Variants in INPP4B observed in about 807,000 individuals in gnomAD.
INPP4B encodes inositol polyphosphate-4-phosphatase type II B.
Under a neutral mutation model 122.5 loss-of-function variants are expected in INPP4B, and 55 were observed. The observed-to-expected ratio is 0.45, with a 90% CI of 0.36 to 0.56. The LOEUF (loss-of-function observed/expected upper bound fraction) is 0.56. Ranked by LOEUF, INPP4B falls within the 20% of genes least tolerant of loss-of-function variation. INPP4B has a pLI of 0.00. For synonymous variants in INPP4B, 403 were observed against 388.7 expected, an observed-to-expected ratio of 1.04 and a Z score of -0.43; for missense variants, 1,000 against 1,097.7, an observed-to-expected ratio of 0.91 and a Z score of 1.26.
intron 2 of INPP4B, among the ~76,000 whole-genome samples, chr4:142,599,660 A>G (rs1739455148): frequency 1.3e-5 from 2 of 152,142 alleles, no homozygotes; most frequent in South Asian, 4.1e-4. Flanking sequence ...GGAATATAAG[A>G]ATTTCTTAGC....
chr4:142,588,509 A>G (rs1736718967), intron 2 of INPP4B, among the ~76,000 whole-genome samples: 1 of 151,446 alleles, frequency 6.6e-6, no homozygotes, highest in African/African-American at 2.4e-5. Context: ...TCTTTGCTAT[A>G]CATTAGCAAT....
At chr4:142,550,039 A>T (rs1161008128) in intron 2 of INPP4B, among the ~76,000 whole-genome samples, 1 of 152,142 alleles carries the variant, frequency 6.6e-6, no homozygotes, top group Middle Eastern at 3.2e-3. Flanking sequence ...ACTGTCAGGA[A>T]CAACTGTCCT....
At chr4:142,097,062 T>C (rs1412428015) in intron 23 of INPP4B, among the ~76,000 whole-genome samples, 1 of 151,876 alleles carries the variant, frequency 6.6e-6, no homozygotes, top group Non-Finnish European at 1.5e-5. Context: ...TATGTTCCCA[T>C]AATGAAAAAA....
intron 2 of INPP4B, among the ~76,000 whole-genome samples, chr4:142,598,614 T>C (rs1359196502): frequency 2.0e-5 from 3 of 152,040 alleles, no homozygotes; most frequent in Non-Finnish European, 4.4e-5. Context: ...AATGACAGTG[T>C]AAATGCCCAA....
chr4:142,625,292 T>TA (rs1328442530), intron 2 of INPP4B, among the ~76,000 whole-genome samples: 17 of 151,962 alleles, frequency 1.1e-4, no homozygotes, highest in East Asian at 1.9e-4. Context: ...AGTCTCAGGA[T>TA]AAAAAATCAA....
At chr4:142,043,009 C>A (rs1461051902) in intron 25 of INPP4B, among the ~76,000 whole-genome samples, 1 of 152,148 alleles carries the variant, frequency 6.6e-6, no homozygotes, top group South Asian at 2.1e-4. Context: ...TTCTCAAATA[C>A]TAACCTCTAC....
At chr4:142,043,644 G>A (rs1306753679) in intron 25 of INPP4B, among the ~76,000 whole-genome samples, 1 of 151,998 alleles carries the variant, frequency 6.6e-6, no homozygotes, top group Non-Finnish European at 1.5e-5. Context: ...AAAAATGAAA[G>A]GAAAATTAAA....
intron 2 of INPP4B, among the ~76,000 whole-genome samples, chr4:142,696,636 C>A (rs1345520612): frequency 1.3e-5 from 2 of 152,114 alleles, no homozygotes; most frequent in Non-Finnish European, 2.9e-5. Flanking sequence ...CTCAACCCTG[C>A]GTCCCTCTGC....
At chr4:142,700,291 T>G (rs982749080) in intron 2 of INPP4B, among the ~76,000 whole-genome samples, 1 of 152,202 alleles carries the variant, frequency 6.6e-6, no homozygotes, top group Non-Finnish European at 1.5e-5. Flanking sequence ...TTTTTATTAT[T>G]TACAATGAAG....
At chr4:142,766,071 T>C (rs1371306481) in intron 1 of INPP4B, 1 of 152,094 alleles carries the variant, frequency 6.6e-6, no homozygotes, top group Admixed American at 6.6e-5. Flanking sequence ...AACATTTGCA[T>C]AAACATCTTA....
intron 2 of INPP4B, among the ~76,000 whole-genome samples, chr4:142,706,144 G>A (rs1281242940): frequency 6.6e-6 from 1 of 152,182 alleles, no homozygotes; most frequent in Non-Finnish European, 1.5e-5. Context: ...CTTTGCAAAT[G>A]CAATTATCCA....
chr4:142,519,147 C>T (rs762528887), intron 2 of INPP4B, among the ~76,000 whole-genome samples: 2 of 152,102 alleles, frequency 1.3e-5, no homozygotes, highest in Admixed American at 6.6e-5. Flanking sequence ...TATAGGAGCA[C>T]AGGAAAATAT....
chr4:142,230,846 T>C (rs1165957710), intron 12 of INPP4B, among the ~76,000 whole-genome samples: 4 of 152,064 alleles, frequency 2.6e-5, no homozygotes, highest in African/African-American at 9.7e-5. Flanking sequence ...AATCAGAAAA[T>C]TACTAAGCCC....
chr4:142,731,353 C>T (rs1766059555), intron 1 of INPP4B, among the ~76,000 whole-genome samples: 1 of 152,106 alleles, frequency 6.6e-6, no homozygotes, highest in African/African-American at 2.4e-5. Flanking sequence ...CTGACCTCAC[C>T]TTTCTGCCAG....
chr4:142,578,744 G>T (rs1026143034), intron 2 of INPP4B, among the ~76,000 whole-genome samples: 3 of 151,870 alleles, frequency 2.0e-5, no homozygotes, highest in Non-Finnish European at 4.4e-5. Context: ...TGAATGGGGG[G>T]ACATATTTCA....
intron 2 of INPP4B, among the ~76,000 whole-genome samples, chr4:142,484,594 T>C (rs1270414573): frequency 6.6e-6 from 1 of 152,088 alleles, no homozygotes; most frequent in Non-Finnish European, 1.5e-5. Context: ...CACTTTTACT[T>C]ATTATTATTT....
chr4:142,512,741 A>G (rs182608943), intron 2 of INPP4B, among the ~76,000 whole-genome samples: 3 of 152,320 alleles, frequency 2.0e-5, no homozygotes, highest in East Asian at 1.9e-4. Flanking sequence ...GTGCAACTCA[A>G]AAAGGTATCT....
At chr4:142,537,038 A>G (rs1034067091) in intron 2 of INPP4B, among the ~76,000 whole-genome samples, 1 of 151,410 alleles carries the variant, frequency 6.6e-6, no homozygotes. Context: ...CTTGTGATCC[A>G]CCCGCCTCAG....
At chr4:142,389,845 G>A (rs1178243155) in intron 7 of INPP4B, among the ~76,000 whole-genome samples, 5 of 152,162 alleles carry the variant, frequency 3.3e-5, no homozygotes, top group African/African-American at 1.2e-4. Flanking sequence ...TTTGGTAAAA[G>A]ATTATAAAAA....
Sources: allele counts gnomAD v4.1 joint callset (sites outside exome capture counted in the v4.1 genomes callset), GRCh38; gene constraint gnomAD v4.1.1; transcripts MANE v1.5; gene names NCBI Gene and HGNC (gene_info 2026-07-23, HGNC 2026-07-21).